The following PNPLA7 variants were observed in gnomAD, a reference collection of about 807,000 sequenced individuals.
PNPLA7 encodes patatin-like phospholipase domain-containing protein 7.
A neutral mutation model predicts 161.7 loss-of-function variants in PNPLA7; 153 were observed. The observed-to-expected ratio is 0.95, with a 90% CI of 0.83 to 1.08. The LOEUF is 1.08. PNPLA7 is among the 50% of genes least tolerant of loss of function. PNPLA7 has a pLI of 0.00. For missense variants in PNPLA7, 1,739 were observed against 1,856.6 expected (o/e 0.94, Z 1.16); for synonymous variants, 809 against 782.1 (o/e 1.03, Z -0.57).
rs1833275425 is a variant in PNPLA7, at chr9:137,499,721, G to T, written c.1757+970C>A. Among the ~76,000 whole-genome samples the T allele has an allele frequency of 6.6e-6, 1 of 152,258 alleles. No individual in the cohort carries two copies. Among genetic ancestry groups the T allele is most frequent in the Admixed American group, 6.5e-5 (1 of 15,294 alleles). The stretch of plus-strand genomic sequence containing the variant: ...CACCCCTGCCCCTTGCCCGGCTCGG[G>T]GTCCCCAGGCTGAAGCAGCAACGGC... On this transcript the variant is annotated intron_variant, in intron 16 of 34. Transcript: ENST00000406427. This position sits in a 1 kb window ranked among gnomAD's most constrained non-coding sequence, Gnocchi z 5.5.
intron 21 of PNPLA7, among the ~76,000 whole-genome samples, chr9:137,482,654 G>A (rs1036266568): frequency 2.0e-5 from 3 of 152,154 alleles, no homozygotes; most frequent in Admixed American, 1.3e-4. Context: ...TCACAGAAAC[G>A]GCACCCACAC....
At chr9:137,522,610 T>C (rs1345790084) in intron 9 of PNPLA7, 119 bp downstream of exon 9, 9 of 1,141,992 alleles carry the variant, frequency 7.9e-6, no homozygotes, top group Middle Eastern at 2.7e-4. Flanking sequence ...TTCATGGCTG[T>C]AAAGCTCAGA....
chr9:137,506,109 C>G, intron 12 of PNPLA7, 26 bp from the exon 13 acceptor site: 1 of 1,590,306 alleles, frequency 6.3e-7, no homozygotes, highest in Non-Finnish European at 8.6e-7. Context: ...ACACTCAGGA[C>G]ACGGTTCGCT....
rs760688446 is a variant in PNPLA7, at chr9:137,500,893, C to T, written c.1555G>A (p.Ala519Thr). The T allele has an allele frequency of 2.6e-5, 40 of 1,564,460 alleles. No homozygotes were observed. Among genetic ancestry groups the T allele is most frequent in the South Asian group, 2.0e-4 (17 of 85,772 alleles). ...CCCGAGACCACGAACAGGATGCTGG[C>T]GTCCTGACACACGAGAGGGCTCAGG... ...TVVSRQGDQDASILFVVSGLL... is the reference protein window; with the variant it reads ...TVVSRQGDQDTSILFVVSGLL... The change falls in exon 16 of 35, where the codon GCC becomes ACC. Residue 519 changes from alanine (A) to threonine (T), a missense_variant. This residue lies in a region of PNPLA7 where 481 missense variants were observed against 450.0 expected (regional missense o/e 1.07). Transcript: ENST00000406427. This position sits in a 1 kb window ranked among gnomAD's most constrained non-coding sequence, Gnocchi z 5.5.
chr9:137,502,720 G>GAGGGGGA (rs1564321632), intron 14 of PNPLA7, among the ~76,000 whole-genome samples: 1 of 126,168 alleles, frequency 7.9e-6, no homozygotes, highest in South Asian at 2.6e-4. Flanking sequence ...CGCGGGGGAC[G>GAGGGGGA]CGGGGGACGG....
chr9:137,536,702 G>A (rs1835909079), intron 8 of PNPLA7, among the ~76,000 whole-genome samples: 1 of 152,232 alleles, frequency 6.6e-6, no homozygotes, highest in Non-Finnish European at 1.5e-5. Flanking sequence ...AACCGCCCAT[G>A]AGCGGTGCAG....
chr9:137,508,047 A>T (rs1162367297), intron 12 of PNPLA7, among the ~76,000 whole-genome samples: 1 of 151,834 alleles, frequency 6.6e-6, no homozygotes, highest in African/African-American at 2.4e-5. Context: ...TTTAAAAACC[A>T]GCCAGGTGTG....
chr9:137,547,234 G>A lies in PNPLA7; in HGVS notation c.193+75C>T. On this transcript the variant is annotated intron_variant, in intron 3 of 34. Transcript: ENST00000406427. This position sits in a 1 kb window ranked among gnomAD's most constrained non-coding sequence, Gnocchi z 4.6. The stretch of plus-strand genomic sequence containing the variant: ...CCATGCGCTTGAGGGCCCCTCCCAG[G>A]GGCTCAAAACACATCCCAAGACACC... The A allele has an allele frequency of 1.4e-6, 2 of 1,431,000 alleles. No individual in the cohort carries two copies. Among genetic ancestry groups the A allele is most frequent in the Non-Finnish European group, 2.0e-6 (2 of 1,017,210 alleles). 88.6% of individuals were successfully genotyped at this position (1,431,000 alleles called of 1,614,324 possible).
intron 25 of PNPLA7, among the ~76,000 whole-genome samples, chr9:137,469,371 G>A (rs1175808115): frequency 1.3e-5 from 2 of 152,224 alleles, no homozygotes; most frequent in Admixed American, 1.3e-4. Context: ...ACAGAAAGCA[G>A]ACAGGGAGGG....
At chr9:137,542,348 G>A (rs1485508802) in intron 7 of PNPLA7, among the ~76,000 whole-genome samples, 2 of 152,114 alleles carry the variant, frequency 1.3e-5, no homozygotes, top group Admixed American at 1.3e-4. Flanking sequence ...ACATACACCT[G>A]TAATCCCAGC....
intron 25 of PNPLA7, among the ~76,000 whole-genome samples, chr9:137,474,526 C>T (rs1831851156): frequency 2.6e-5 from 4 of 152,090 alleles, no homozygotes; most frequent in Admixed American, 2.0e-4. Flanking sequence ...GCGAGGCAGC[C>T]CTGGAGGACA....
chr9:137,541,362 A>C lies in PNPLA7; in HGVS notation c.667-640T>G. On this transcript the variant is annotated intron_variant, in intron 7 of 34. Transcript: ENST00000406427. This position sits in a 1 kb window ranked among gnomAD's most constrained non-coding sequence, Gnocchi z 4.4. ...GAGCTACTGGCTCCAGCTTCCCCCA[A>C]GCCCCTTTCCCTTCTAATAACCCAT... 2 of 950,122 alleles carry C rather than the reference A, an allele frequency of 2.1e-6. No individual in the cohort carries two copies. Among genetic ancestry groups the C allele is most frequent in the Non-Finnish European group, 2.5e-6 (2 of 797,774 alleles). The allele number at this position is 950,122 out of a possible 1,614,324, so 58.9% of individuals were successfully genotyped here. A position where few individuals can be genotyped will look rare whatever the true frequency, so the allele number is the denominator to read the frequency against.
chr9:137,541,769 C>T lies in PNPLA7; in HGVS notation c.666+873G>A, dbSNP rs536158676. Among the ~76,000 whole-genome samples the T allele has an allele frequency of 1.3e-5, 2 of 152,154 alleles. No individual in the cohort carries two copies. The highest frequency in any genetic ancestry group is 2.1e-4 in the South Asian group (1 of 4,818). On this transcript the variant is annotated intron_variant, in intron 7 of 34. Coordinates refer to ENST00000406427, the MANE Select transcript of PNPLA7 (RefSeq NM_001098537.3). The surrounding 1 kb of genome is among the most constrained non-coding windows in gnomAD (Gnocchi z 4.4). ...GCAGGAAACAAGTATTGAGCTCCTA[C>T]GTGGATTCACACCCGAATTTTTTTT...
chr9:137,480,692 G>A lies in PNPLA7; in HGVS notation c.2412-212C>T, dbSNP rs772538812. 3.3e-5 allele frequency: 24 copies of A among 731,286 alleles called. No homozygotes were observed. In the East Asian group the frequency reaches 3.8e-4, roughly 12 times the overall value. The allele number at this position is 731,286 out of a possible 1,614,324, so 45.3% of individuals were successfully genotyped here. A position where few individuals can be genotyped will look rare whatever the true frequency, so the allele number is the denominator to read the frequency against. ...CAGTTAAGCCCAGAGGCTGAGGCTC[G>A]TTGAGGGGCAGGCTGGGGAGAGTGA... On this transcript the variant is annotated intron_variant, in intron 22 of 34. Coordinates refer to ENST00000406427, the MANE Select transcript of PNPLA7 (RefSeq NM_001098537.3).
chr9:137,524,151 C>A lies in PNPLA7; in HGVS notation c.748-1294G>T, dbSNP rs965304153. Among the ~76,000 whole-genome samples, 1 of 152,238 alleles carries A rather than the reference C, an allele frequency of 6.6e-6. No individual in the cohort carries two copies. The highest frequency in any genetic ancestry group is 6.5e-5 in the Admixed American group (1 of 15,290). On this transcript the variant is annotated intron_variant, in intron 8 of 34. Transcript: ENST00000406427. The surrounding 1 kb of genome is among the most constrained non-coding windows in gnomAD (Gnocchi z 4.4). ...GGTCTTGGCAATGCTCCCCCGTCTT[C>A]TGTCCCAGTGGTTGTGCCTTTGTCA...
intron 15 of PNPLA7, 151 bp downstream of exon 15, chr9:137,501,499 G>A (rs547900538): frequency 9.4e-6 from 7 of 746,748 alleles, no homozygotes; most frequent in Non-Finnish European, 1.3e-5. Flanking sequence ...CTGAGGGGAG[G>A]GGCTCTGCCA....
rs1313757260 is a variant in PNPLA7, at chr9:137,463,439, C to T, written c.3319G>A (p.Gly1107Arg). 29 of 1,602,032 alleles carry T rather than the reference C, an allele frequency of 1.8e-5. No homozygotes were observed. The highest frequency in any genetic ancestry group is 1.7e-4 in the Middle Eastern group (1 of 6,046). Residue 1107 changes from glycine (G) to arginine (R), a missense_variant, in exon 29 of 35, where the codon GGG becomes AGG. Gly to Arg is a moderately radical substitution (Grantham distance 125). Around this residue, in one of 6 missense-constraint regions of PNPLA7, gnomAD observed 703 missense variants for 694.6 expected, o/e 1.01. Coordinates refer to ENST00000406427, the MANE Select transcript of PNPLA7 (RefSeq NM_001098537.3). ...CCTGGGAGGTTGTTGATGTAGCCCC[C>T]GTCCATCAGCAGGTGTCCGTCCTTC... Reference protein sequence around the residue: ...DPKDGHLLMDGGYINNLPADV... With the variant: ...DPKDGHLLMDRGYINNLPADV...
At position 137,460,341 on chromosome 9, in the gene PNPLA7, T is replaced by A. The variant is rs1414563361; in HGVS notation, c.*52A>T. 2 of 1,554,000 alleles carry A rather than the reference T, an allele frequency of 1.3e-6. No homozygotes were observed. Among genetic ancestry groups the A allele is most frequent in the African/African-American group, 2.7e-5 (2 of 73,358 alleles). On this transcript the variant is annotated 3_prime_UTR_variant, in exon 35 of 35. Coordinates refer to ENST00000406427, the MANE Select transcript of PNPLA7 (RefSeq NM_001098537.3). ...CTAGGACTTGGCAGGAGCCTCAGCC[T>A]TGGGGACAGTCCCACGGAAGACGCT...
Position 137,540,612 on chromosome 9 carries a change from G to A in PNPLA7, c.747+30C>T, listed in dbSNP as rs749613531. On this transcript the variant is annotated intron_variant, in intron 8 of 34. Coordinates refer to ENST00000406427, the MANE Select transcript of PNPLA7 (RefSeq NM_001098537.3). This position sits in a 1 kb window ranked among gnomAD's most constrained non-coding sequence, Gnocchi z 5.1. Reference sequence around the variant, plus strand: ...AGGCCTCCGGGGCCAACCCAGGGGCGCCCGGAGGGCCAGGCAGCGGGGGAC... The same window carrying A: ...AGGCCTCCGGGGCCAACCCAGGGGCACCCGGAGGGCCAGGCAGCGGGGGAC... The A allele has an allele frequency of 1.3e-5, 20 of 1,587,212 alleles. No individual in the cohort carries two copies. The highest frequency in any genetic ancestry group is 1.0e-4 in the Admixed American group (6 of 57,826).
Sources: allele counts gnomAD v4.1 joint callset (sites outside exome capture counted in the v4.1 genomes callset), GRCh38; gene constraint gnomAD v4.1.1; regional missense constraint gnomAD v4.1.1; non-coding constraint Gnocchi (gnomAD v3.1); transcripts MANE v1.5; gene names NCBI Gene and HGNC (gene_info 2026-07-23, HGNC 2026-07-21).